Variants in PSMD11 observed in about 807,000 individuals in gnomAD.
PSMD11 encodes 26S proteasome non-ATPase regulatory subunit 11.
Under a neutral mutation model 62.3 loss-of-function variants are expected in PSMD11, and 5 were observed. The ratio of observed to expected loss-of-function variants is 0.08; its 90% CI spans 0.04 to 0.17. The LOEUF (loss-of-function observed/expected upper bound fraction) is 0.17. PSMD11 is among the 10% of genes least tolerant of loss of function. PSMD11 has a pLI of 1.00. For missense variants in PSMD11, 310 were observed against 512.9 expected, an observed-to-expected ratio of 0.60 and a Z score of 3.82; for synonymous variants, 191 against 191.8, an observed-to-expected ratio of 1.00 and a Z score of 0.03.
intron 5 of PSMD11, 103 bp from the exon 6 acceptor site, chr17:32,468,895 AT>A (rs369788458): frequency 0.22 from 186,900 of 849,466 alleles, 1 homozygote; most frequent in East Asian, 0.25. Flanking sequence ...GAGTTCAGGA[AT>A]TTTTTTTTTT....
In PSMD11 at chr17:32,444,592, C is replaced by T. The variant is rs928956614; in HGVS notation, c.69C>T (p.Ser23=). The T allele has an allele frequency of 6.2e-7, 1 of 1,611,912 alleles. No homozygotes were observed. The highest frequency in any genetic ancestry group is 8.5e-7 in the Non-Finnish European group (1 of 1,179,378). ...TACTCAGCACCGACCGGGAGGCCTC[C>T]ATCGACATCCTCCACTCCATCGGTA... ...QSLLSTDREA[S]IDILHSIVKR... Residue 23 remains serine (S), a synonymous_variant, in exon 1 of 14, where the codon TCC becomes TCT. Coordinates refer to ENST00000261712, the MANE Select transcript of PSMD11 (RefSeq NM_002815.4).
In PSMD11 at chr17:32,480,143, T is replaced by C. The variant is rs375643544; in HGVS notation, c.1075-3T>C. On this transcript the variant is annotated splice_region_variant and splice_polypyrimidine_tract_variant and intron_variant, in intron 11 of 13. Transcript: ENST00000261712. Reference sequence around the variant, plus strand: ...TCCCTTTAATCATGTGCTTTGATTTTAGGCCGACGTGGAAAGGAAATTATC... The same window carrying C: ...TCCCTTTAATCATGTGCTTTGATTTCAGGCCGACGTGGAAAGGAAATTATC... The C allele has an allele frequency of 8.1e-6, 13 of 1,613,412 alleles. No individual in the cohort carries two copies. In the African/African-American group the frequency reaches 1.6e-4, roughly 20 times the overall value.
At chr17:32,480,333 A>C in intron 12 of PSMD11, 136 bp downstream of exon 12, 4 of 1,445,434 alleles carry the variant, frequency 2.8e-6, no homozygotes, top group Non-Finnish European at 3.9e-6. Flanking sequence ...CCCTGTGATG[A>C]GAATGTGTAA....
Position 32,473,870 on chromosome 17 carries a change from G to T in PSMD11, c.713G>T (p.Gly238Val). Residue 238 changes from glycine (G) to valine (V), a missense_variant, in exon 7 of 14, where the codon GGT becomes GTT. This residue lies in a region of PSMD11 where 47 missense variants were observed against 117.7 expected (regional missense o/e 0.40). Coordinates refer to ENST00000261712, the MANE Select transcript of PSMD11 (RefSeq NM_002815.4). ...AYSYFYEAFE[G>V]YDSIDSPKAI... Reference sequence around the variant, plus strand: ...TCATACTTCTATGAGGCATTTGAGGGTTATGACTCCATCGACAGCCCCAAG... The same window carrying T: ...TCATACTTCTATGAGGCATTTGAGGTTTATGACTCCATCGACAGCCCCAAG... The T allele has an allele frequency of 6.2e-7, 1 of 1,614,120 alleles. No individual in the cohort carries two copies. Among genetic ancestry groups the T allele is most frequent in the African/African-American group, 1.3e-5 (1 of 75,062 alleles).
intron 3 of PSMD11, 101 bp from the exon 4 acceptor site, chr17:32,463,948 G>A: frequency 9.4e-7 from 1 of 1,060,656 alleles, no homozygotes; most frequent in South Asian, 1.3e-5. Flanking sequence ...AGAGCAACAT[G>A]GATAATATGT....
At chr17:32,447,537 A>C (rs1326575048) in intron 2 of PSMD11, among the ~76,000 whole-genome samples, 1 of 152,230 alleles carries the variant, frequency 6.6e-6, no homozygotes, top group Admixed American at 6.5e-5. Flanking sequence ...CTTTGTGCAC[A>C]TCATTGCTCA....
In PSMD11 at chr17:32,454,519, T is replaced by G; in HGVS notation, c.218T>G (p.Val73Gly). The change falls in exon 3 of 14, where the codon GTA (valine) becomes GGA (glycine). Residue 73 changes from valine to glycine, a missense_variant. By Grantham distance (109) the Val-to-Gly change is moderately radical. Transcript: ENST00000261712. ...AAELGGLLKYVRPFLNSISKA... is the reference protein window; with the variant it reads ...AAELGGLLKYGRPFLNSISKA... ...GAGCTTGGAGGACTCCTGAAGTATG[T>G]ACGACCCTTCTTGAATTCCATCAGC... The G allele has an allele frequency of 6.2e-7, 1 of 1,614,022 alleles. No individual in the cohort carries two copies. The highest frequency in any genetic ancestry group is 8.5e-7 in the Non-Finnish European group (1 of 1,179,882).
In PSMD11 at chr17:32,467,128, A is replaced by G. The variant is rs34926056; in HGVS notation, c.449-1871A>G. Among the ~76,000 whole-genome samples the G allele has an allele frequency of 1.2e-3, 179 of 151,672 alleles. 2 individuals carry two copies. The highest frequency in any genetic ancestry group is 4.0e-3 in the African/African-American group (165 of 41,328). ...CTCGGCTAATTTTTGTATTCTTAGTAGAGACGGGTTTTCACCATGTTGGCC... is the reference window on the plus strand; with the variant it reads ...CTCGGCTAATTTTTGTATTCTTAGTGGAGACGGGTTTTCACCATGTTGGCC... On this transcript the variant is annotated intron_variant, in intron 5 of 13. Transcript: ENST00000261712.
chr17:32,459,991 G>T (rs1011432421), intron 3 of PSMD11, among the ~76,000 whole-genome samples: 5 of 152,124 alleles, frequency 3.3e-5, no homozygotes, highest in African/African-American at 1.2e-4. Context: ...GCAAGTCATA[G>T]GTGGGAAAGA....
chr17:32,446,794 C>A, intron 1 of PSMD11, 151 bp from the exon 2 acceptor site: 2 of 523,380 alleles, frequency 3.8e-6, no homozygotes, highest in South Asian at 2.8e-5. Flanking sequence ...TTTTTTTTTC[C>A]TGGCTTAGAG....
rs1054440710 is a variant in PSMD11 at position 32,483,263 on chromosome 17, T to A, written c.*2511T>A. The stretch of plus-strand genomic sequence containing the variant: ...GTAAAATATGTCAATAACTTTTTTA[T>A]ATATGTGTTGAAATATTTTGGGTAT... On this transcript the variant is annotated 3_prime_UTR_variant, in exon 14 of 14. Coordinates refer to ENST00000261712, the MANE Select transcript of PSMD11 (RefSeq NM_002815.4). 7.2e-5 allele frequency: 11 copies of A among 152,262 alleles called. No individual in the cohort carries two copies. The highest frequency in any genetic ancestry group is 2.4e-4 in the African/African-American group (10 of 41,470). The allele number at this position is 152,262 out of a possible 1,614,324, so 9.4% of individuals were successfully genotyped here. A position where few individuals can be genotyped will look rare whatever the true frequency, so the allele number is the denominator to read the frequency against.
intron 5 of PSMD11, among the ~76,000 whole-genome samples, chr17:32,466,241 C>T (rs1308040515): frequency 1.3e-5 from 2 of 152,062 alleles, no homozygotes; most frequent in East Asian, 1.9e-4. Context: ...AAATGATCTG[C>T]CTGCCTTGGC....
In PSMD11 at chr17:32,450,040, C is replaced by T. The variant is rs149321476; in HGVS notation, c.193+2994C>T. 5.7e-3 allele frequency among the ~76,000 whole-genome samples: 864 copies of T among 152,272 alleles called. 9 individuals are homozygous for T. Among genetic ancestry groups the T allele is most frequent in the African/African-American group, 0.019 (773 of 41,546 alleles). ...CTCAGGATTTCATAGCCTAAAACTT[C>T]TAAAAGGAATCTGTTGAGTTCTGTG... On this transcript the variant is annotated intron_variant, in intron 2 of 13. Coordinates refer to ENST00000261712, the MANE Select transcript of PSMD11 (RefSeq NM_002815.4).
In PSMD11 at chr17:32,479,535, CGAG is replaced by C. The variant is rs1354791766; in HGVS notation, c.1038+163_1038+165del. ...CTCTGTTGATAAAATGAACAAAAAT[CGAG>C]GAGAGAGATGCTGTGGGTAGAGGCA... On this transcript the variant is annotated intron_variant, in intron 10 of 13. Coordinates refer to ENST00000261712, the MANE Select transcript of PSMD11 (RefSeq NM_002815.4). 1.7e-5 allele frequency: 18 copies of C among 1,088,676 alleles called. No homozygotes were observed. In the African/African-American group the frequency reaches 2.9e-4, roughly 17 times the overall value. The allele number at this position is 1,088,676 out of a possible 1,614,324, so 67.4% of individuals were successfully genotyped here. A position where few individuals can be genotyped will look rare whatever the true frequency, so the allele number is the denominator to read the frequency against.
intron 1 of PSMD11, chr17:32,445,013 C>T (rs1396133454): frequency 8.8e-6 from 2 of 228,256 alleles, no homozygotes; most frequent in Non-Finnish European, 1.7e-5. Flanking sequence ...AAGGCCTTGG[C>T]GAAACCAGCT....
Position 32,447,117 on chromosome 17 carries a change from A to G in PSMD11, c.193+71A>G, listed in dbSNP as rs910941333. 17 of 1,215,520 alleles carry G rather than the reference A, an allele frequency of 1.4e-5. No individual in the cohort carries two copies. In the Middle Eastern group the frequency reaches 1.6e-3, roughly 111 times the overall value. The allele number at this position is 1,215,520 out of a possible 1,614,324, so 75.3% of individuals were successfully genotyped here. A position where few individuals can be genotyped will look rare whatever the true frequency, so the allele number is the denominator to read the frequency against. ...CTGTCTTTTGTTGGAGTGAAGAATC[A>G]TGGGACTGATCCACAAACTGAATTC... On this transcript the variant is annotated intron_variant, in intron 2 of 13. Coordinates refer to ENST00000261712, the MANE Select transcript of PSMD11 (RefSeq NM_002815.4).
At chr17:32,470,241 G>A (rs906384232) in intron 6 of PSMD11, among the ~76,000 whole-genome samples, 4 of 151,970 alleles carry the variant, frequency 2.6e-5, no homozygotes, top group African/African-American at 9.7e-5. Context: ...CTGGGCTCAA[G>A]CAATTTTCCC....
chr17:32,463,827 C>T (rs1907913965), intron 3 of PSMD11, among the ~76,000 whole-genome samples: 1 of 152,006 alleles, frequency 6.6e-6, no homozygotes, highest in African/African-American at 2.4e-5. Context: ...GAGCTCTTTT[C>T]CTAAAAAACA....
intron 3 of PSMD11, among the ~76,000 whole-genome samples, chr17:32,461,108 C>T (rs555763787): frequency 2.6e-4 from 40 of 152,070 alleles, no homozygotes; most frequent in Admixed American, 1.5e-3. Context: ...GACGGAGTCT[C>T]GCACCGTCGC....
Sources: allele counts gnomAD v4.1 joint callset (sites outside exome capture counted in the v4.1 genomes callset), GRCh38; gene constraint gnomAD v4.1.1; regional missense constraint gnomAD v4.1.1; transcripts MANE v1.5; gene names NCBI Gene and HGNC (gene_info 2026-07-23, HGNC 2026-07-21).